The following KLHDC4 variants were observed in gnomAD, a reference collection of about 807,000 sequenced individuals.
KLHDC4 encodes the protein kelch domain-containing protein 4.
In KLHDC4, 90 loss-of-function variants were observed where a neutral mutation model predicts 62.4. That is an observed-to-expected ratio of 1.44 (90% confidence interval 1.22 to 1.72). The LOEUF is 1.72. Among genes scored for constraint, KLHDC4 ranks in the 40% most tolerant of loss-of-function variants. The probability of loss-of-function intolerance (pLI) is 0.00; values close to 1 mark genes in which losing one functional copy is unlikely to be tolerated. For missense variants in KLHDC4, 1,025 were observed against 699.7 expected (o/e 1.47, Z -5.25); for synonymous variants, 386 against 284.4 (o/e 1.36, Z -3.59).
intron 5 of KLHDC4, among the ~76,000 whole-genome samples, chr16:87,744,954 C>A (rs573414394): frequency 1.3e-5 from 2 of 148,888 alleles, no homozygotes; most frequent in South Asian, 2.2e-4. Context: ...CACATATGCT[C>A]ACACGTGCAC....
intron 1 of KLHDC4, among the ~76,000 whole-genome samples, chr16:87,764,211 C>T (rs2046278739): frequency 6.6e-6 from 1 of 152,144 alleles, no homozygotes; most frequent in Non-Finnish European, 1.5e-5. Context: ...AATCAGACGC[C>T]CACTTATTTT....
At chr16:87,729,633 C>T (rs557609558) in intron 6 of KLHDC4, among the ~76,000 whole-genome samples, 23 of 152,352 alleles carry the variant, frequency 1.5e-4, no homozygotes, top group African/African-American at 5.0e-4. Context: ...TGAGAGAGCC[C>T]GCAGCTCACC....
chr16:87,762,374 G>A (rs942277600), intron 1 of KLHDC4, among the ~76,000 whole-genome samples: 7 of 152,216 alleles, frequency 4.6e-5, no homozygotes, highest in Admixed American at 6.5e-5. Flanking sequence ...GACTCGAGCC[G>A]TCGCACCTGC....
At chr16:87,737,967 A>G (rs1250063106) in intron 5 of KLHDC4, among the ~76,000 whole-genome samples, 3 of 152,190 alleles carry the variant, frequency 2.0e-5, no homozygotes, top group Non-Finnish European at 4.4e-5. Context: ...CAAACAGCAC[A>G]ACGGGGAATC....
intron 4 of KLHDC4, among the ~76,000 whole-genome samples, chr16:87,751,874 C>A (rs1011208541): frequency 1.3e-5 from 2 of 151,362 alleles, no homozygotes; most frequent in African/African-American, 2.4e-5. Context: ...GAGATTAAGA[C>A]CATCCTGGCT....
intron 7 of KLHDC4, among the ~76,000 whole-genome samples, chr16:87,723,230 T>C (rs750687934): frequency 6.6e-6 from 1 of 152,180 alleles, no homozygotes; most frequent in Non-Finnish European, 1.5e-5. Flanking sequence ...CATTCACAAC[T>C]CAAATCTCTC....
intron 5 of KLHDC4, chr16:87,739,660 C>T (rs2041948517): frequency 6.5e-6 from 1 of 153,354 alleles, no homozygotes; most frequent in Admixed American, 6.5e-5. Context: ...CATCCACACA[C>T]CAGCACCTCA....
intron 10 of KLHDC4, 93 bp downstream of exon 10, chr16:87,709,172 C>A (rs1241186948): frequency 6.7e-7 from 1 of 1,490,454 alleles, no homozygotes; most frequent in Non-Finnish European, 9.0e-7. Context: ...CAGGCCGCCT[C>A]TGGGCAGCTT....
exon 1 of KLHDC4, chr16:87,702,372 C>T (rs868823025): frequency 5.3e-5 from 23 of 433,998 alleles, no homozygotes; most frequent in African/African-American, 3.0e-4. Flanking sequence ...GGCAGGGGGG[C>T]GGGCCCTGCA....
At chr16:87,756,802 GT>G (rs2045013870) in intron 2 of KLHDC4, among the ~76,000 whole-genome samples, 2 of 151,042 alleles carry the variant, frequency 1.3e-5, no homozygotes, top group South Asian at 4.2e-4. Context: ...TTCCAGAACT[GT>G]TTTTTTGATT....
chr16:87,747,099 T>A (rs570475984), intron 5 of KLHDC4, among the ~76,000 whole-genome samples: 1 of 152,244 alleles, frequency 6.6e-6, no homozygotes, highest in Admixed American at 6.5e-5. Context: ...ATACCCACGA[T>A]CCGAGTGACA....
chr16:87,756,540 C>T (rs2044948580), intron 2 of KLHDC4, 63 bp from the exon 3 acceptor site: 3 of 1,185,550 alleles, frequency 2.5e-6, no homozygotes, highest in Admixed American at 3.6e-5. Context: ...AGCGCTGTCC[C>T]CTTCCTCACA....
chr16:87,741,786 A>C (rs1475580303), intron 5 of KLHDC4, among the ~76,000 whole-genome samples: 1 of 152,224 alleles, frequency 6.6e-6, no homozygotes, highest in Non-Finnish European at 1.5e-5. Flanking sequence ...TACTGAATCC[A>C]GACTCCCTGC....
chr16:87,713,927 C>G (rs1287177446), intron 8 of KLHDC4, among the ~76,000 whole-genome samples: 1 of 152,050 alleles, frequency 6.6e-6, no homozygotes, highest in Non-Finnish European at 1.5e-5. Context: ...TTCAGTAACT[C>G]AAGCTGACAG....
rs145931506 is a variant in KLHDC4 at position 87,746,403 on chromosome 16, G to C, written c.506+2270C>G. ...AGAGAGAAAGAGACAGAGAGAGAAA[G>C]AGAGTGAGAGAAAGATTAAGCGCAC... On this transcript the variant is annotated intron_variant, in intron 5 of 11. Coordinates refer to ENST00000270583, the MANE Select transcript of KLHDC4 (RefSeq NM_017566.4). Among the ~76,000 whole-genome samples, 734 of 152,120 alleles carry C rather than the reference G, an allele frequency of 4.8e-3. 6 individuals are homozygous for C. The highest frequency in any genetic ancestry group is 0.016 in the African/African-American group (680 of 41,490).
At position 87,751,633 on chromosome 16, in the gene KLHDC4, T is replaced by C. The variant is rs1403754997; in HGVS notation, c.370-2824A>G. On this transcript the variant is annotated intron_variant, in intron 4 of 11. Coordinates refer to ENST00000270583, the MANE Select transcript of KLHDC4 (RefSeq NM_017566.4). ...TTACATAATCAGTCCCTAAAGCCAT[T>C]CCTGGCCAGGTGCAGTGGCTCATGC... Among the ~76,000 whole-genome samples the C allele has an allele frequency of 2.6e-5, 4 of 152,144 alleles. No individual in the cohort carries two copies. In the East Asian group the frequency reaches 7.7e-4, roughly 29 times the overall value.
chr16:87,765,323 G>A (rs147036351), intron 1 of KLHDC4: 2 of 456,504 alleles, frequency 4.4e-6, no homozygotes, highest in African/African-American at 2.0e-5. Flanking sequence ...CAGGGCTGCT[G>A]TGATGATTAT....
intron 5 of KLHDC4, among the ~76,000 whole-genome samples, chr16:87,733,307 C>T (rs2040720259): frequency 6.6e-6 from 1 of 152,228 alleles, no homozygotes. Flanking sequence ...GAGAGAGGAG[C>T]AACAAAACAG....
At chr16:87,725,049 T>C (rs1462821667) in intron 7 of KLHDC4, among the ~76,000 whole-genome samples, 2 of 151,764 alleles carry the variant, frequency 1.3e-5, no homozygotes, top group African/African-American at 4.9e-5. Flanking sequence ...ATGCAACACG[T>C]GGGTCTGAAA....
Sources: gnomAD v4.1 joint callset for allele counts (sites outside exome capture counted in the v4.1 genomes callset) on GRCh38, gnomAD v4.1.1 for gene constraint, MANE v1.5 for transcripts, NCBI Gene and HGNC (gene_info 2026-07-23, HGNC 2026-07-21) for gene names.